Variants in SUDS3 observed in about 807,000 individuals in gnomAD.
The protein encoded by SUDS3 is sin3 histone deacetylase corepressor complex component SDS3.
SUDS3 carries 23 observed loss-of-function variants against 53.5 expected under a neutral mutation model. The observed-to-expected ratio is 0.43, with a 90% CI of 0.31 to 0.61. The LOEUF is 0.61. Ranked by LOEUF, SUDS3 falls within the 20% of genes least tolerant of loss-of-function variation. SUDS3 has a pLI of 0.10. For missense variants in SUDS3, 291 were observed against 405.9 expected, an observed-to-expected ratio of 0.72 and a Z score of 2.43; for synonymous variants, 150 against 148.5, an observed-to-expected ratio of 1.01 and a Z score of -0.08.
Position 118,410,582 on chromosome 12 carries a change from T to TA in SUDS3, c.804-491_804-490insA, listed in dbSNP as rs1259931660. Among the ~76,000 whole-genome samples the TA allele has an allele frequency of 4.8e-5, 7 of 144,744 alleles. No homozygotes were observed. The East Asian group carries it at 1.2e-3, about 25-fold the overall frequency. 95.0% of individuals were successfully genotyped at this position (144,744 alleles called of 152,430 possible). A position where few individuals can be genotyped will look rare whatever the true frequency, so the allele number is the denominator to read the frequency against. ...TTATTTATTTATTTATTTATTTATT[T>TA]TATTTATTTATTTATTTATTTATTT... On this transcript the variant is annotated intron_variant, in intron 10 of 11. Transcript: ENST00000543473.
At chr12:118,405,120 T>C (rs932904778) in intron 10 of SUDS3, among the ~76,000 whole-genome samples, 2 of 152,222 alleles carry the variant, frequency 1.3e-5, no homozygotes, top group South Asian at 2.1e-4. Flanking sequence ...TGGCAGGCTC[T>C]AACAGCTTAA....
chr12:118,409,813 C>T (rs999022178), intron 10 of SUDS3, among the ~76,000 whole-genome samples: 1 of 152,254 alleles, frequency 6.6e-6, no homozygotes, highest in African/African-American at 2.4e-5. Flanking sequence ...CTCTTGTAAT[C>T]CAGCAGGGGC....
At position 118,391,415 on chromosome 12, in the gene SUDS3, G is replaced by A. The variant is rs138670193; in HGVS notation, c.517+133G>A. 2.0e-4 allele frequency: 201 copies of A among 1,013,074 alleles called. 3 individuals carry two copies. The African/African-American group carries it at 2.7e-3, about 14-fold the overall frequency. 62.8% of individuals were successfully genotyped at this position (1,013,074 alleles called of 1,614,324 possible). On this transcript the variant is annotated intron_variant, in intron 6 of 11. Coordinates refer to ENST00000543473, the MANE Select transcript of SUDS3 (RefSeq NM_022491.3). ...GTGGGTTTTGACCTCATAGATCAGA[G>A]TTCCTCCTCCACCTTCTATTGGCTG...
rs1265563950 is a variant in SUDS3 at position 118,415,079 on chromosome 12, G to A, written c.*646G>A. On this transcript the variant is annotated 3_prime_UTR_variant, in exon 12 of 12. Transcript: ENST00000543473. ...TGTGCACTGAAGTAAATGGGGTTGG[G>A]GGAGGGGACATTTCATATTTATAAT... The A allele has an allele frequency of 6.6e-6, 1 of 152,252 alleles. No individual in the cohort carries two copies. Among genetic ancestry groups the A allele is most frequent in the Non-Finnish European group, 1.5e-5 (1 of 68,078 alleles). 9.4% of individuals were successfully genotyped at this position (152,252 alleles called of 1,614,324 possible). A position where few individuals can be genotyped will look rare whatever the true frequency, so the allele number is the denominator to read the frequency against.
intron 6 of SUDS3, among the ~76,000 whole-genome samples, chr12:118,400,316 A>G (rs2046252823): frequency 6.6e-6 from 1 of 152,066 alleles, no homozygotes; most frequent in South Asian, 2.1e-4. Flanking sequence ...GTTCCTTCCT[A>G]TCCCGAGAGC....
At chr12:118,399,371 C>T (rs939634481) in intron 6 of SUDS3, among the ~76,000 whole-genome samples, 8 of 152,022 alleles carry the variant, frequency 5.3e-5, no homozygotes, top group Admixed American at 2.6e-4. Flanking sequence ...GGTGTGGTGG[C>T]GCATGCTGTA....
At chr12:118,388,738 G>A (rs190448677) in intron 4 of SUDS3, among the ~76,000 whole-genome samples, 2 of 152,304 alleles carry the variant, frequency 1.3e-5, no homozygotes, top group East Asian at 1.9e-4. Context: ...GACAGACAGC[G>A]TGAGCAGAGC....
chr12:118,416,546 C>G lies in SUDS3; in HGVS notation c.*2113C>G, dbSNP rs2046402249. On this transcript the variant is annotated 3_prime_UTR_variant, in exon 12 of 12. Transcript: ENST00000543473. ...CCTTCTCCTCGGCGTCCTCACAACT[C>G]TTAATTGGGCCTAGTGAAAATGGGG... 6.6e-6 allele frequency: 1 copy of G among 152,158 alleles called. No individual in the cohort carries two copies. Among genetic ancestry groups the G allele is most frequent in the Non-Finnish European group, 1.5e-5 (1 of 68,040 alleles). The allele number at this position is 152,158 out of a possible 1,614,324, so 9.4% of individuals were successfully genotyped here. A position where few individuals can be genotyped will look rare whatever the true frequency, so the allele number is the denominator to read the frequency against.
intron 2 of SUDS3, among the ~76,000 whole-genome samples, chr12:118,382,946 G>A (rs2046081013): frequency 1.3e-5 from 2 of 152,126 alleles, no homozygotes; most frequent in African/African-American, 4.8e-5. Context: ...GGGATTACAG[G>A]CGTGAGCCAC....
chr12:118,382,638 A>T (rs1319522511), intron 2 of SUDS3, among the ~76,000 whole-genome samples: 1 of 147,636 alleles, frequency 6.8e-6, no homozygotes, highest in African/African-American at 2.5e-5. Context: ...GAGTGCTAGG[A>T]TTACAAGAAT....
intron 10 of SUDS3, among the ~76,000 whole-genome samples, chr12:118,409,574 A>G (rs1045885798): frequency 6.6e-6 from 1 of 152,248 alleles, no homozygotes; most frequent in Non-Finnish European, 1.5e-5. Context: ...ATGGGAGTGA[A>G]GTGCATCCTT....
intron 10 of SUDS3, among the ~76,000 whole-genome samples, chr12:118,408,279 C>T (rs144585054): frequency 0.022 from 3,360 of 152,032 alleles, 123 homozygotes; most frequent in African/African-American, 0.076. Context: ...GGCAATCCAC[C>T]CACCTTGGCC....
chr12:118,403,587 TGTA>T, intron 10 of SUDS3, 70 bp downstream of exon 10: 1 of 1,275,600 alleles, frequency 7.8e-7, no homozygotes, highest in Non-Finnish European at 1.1e-6. Flanking sequence ...CTGGGGCTAT[TGTA>T]GTTATTTCAG....
chr12:118,386,052 A>T, intron 3 of SUDS3, 62 bp from the exon 4 acceptor site: 1 of 1,326,734 alleles, frequency 7.5e-7, no homozygotes. Flanking sequence ...TAATTTTAGG[A>T]AGCAAAATGT....
At chr12:118,403,368 G>A in intron 9 of SUDS3, 44 bp from the exon 10 acceptor site, 1 of 1,448,008 alleles carries the variant, frequency 6.9e-7, no homozygotes, top group South Asian at 1.2e-5. Context: ...AGACTCGCAT[G>A]TGTTTGTTAC....
chr12:118,376,669 G>A lies in SUDS3; in HGVS notation c.-23G>A, dbSNP rs757116249. ...GGTGGCCGCGGTGTCCGTGGGCCACGCTCAGCTGCGGTCAGAGGCGACATG... is the reference window on the plus strand; with the variant it reads ...GGTGGCCGCGGTGTCCGTGGGCCACACTCAGCTGCGGTCAGAGGCGACATG... On this transcript the variant is annotated 5_prime_UTR_variant, in exon 1 of 12. Coordinates refer to ENST00000543473, the MANE Select transcript of SUDS3 (RefSeq NM_022491.3). 1.4e-6 allele frequency: 2 copies of A among 1,460,890 alleles called. No individual in the cohort carries two copies. Among genetic ancestry groups the A allele is most frequent in the Non-Finnish European group, 1.8e-6 (2 of 1,114,976 alleles). The allele number at this position is 1,460,890 out of a possible 1,614,324, so 90.5% of individuals were successfully genotyped here. A position where few individuals can be genotyped will look rare whatever the true frequency, so the allele number is the denominator to read the frequency against.
chr12:118,393,565 A>G (rs1397818086), intron 6 of SUDS3, among the ~76,000 whole-genome samples: 2 of 152,146 alleles, frequency 1.3e-5, no homozygotes, highest in Non-Finnish European at 2.9e-5. Flanking sequence ...GTGCATCCCA[A>G]CTTCAATGTG....
In SUDS3 at chr12:118,407,720, G is replaced by T. The variant is rs533581907; in HGVS notation, c.804-3353G>T. Reference sequence around the variant, plus strand: ...GTAACATGTATATGTGTTATTTTTGGTTTTTTTTTTTTTTTTGAGACAGAG... The same window carrying T: ...GTAACATGTATATGTGTTATTTTTGTTTTTTTTTTTTTTTTTGAGACAGAG... On this transcript the variant is annotated intron_variant, in intron 10 of 11. Transcript: ENST00000543473. Among the ~76,000 whole-genome samples the T allele has an allele frequency of 1.1e-3, 144 of 137,112 alleles. 1 individual carries two copies. The South Asian group carries it at 0.011, about 11-fold the overall frequency. The allele number at this position is 137,112 out of a possible 152,430, so 90.0% of individuals were successfully genotyped here.
At chr12:118,384,948 T>A (rs184495821) in intron 3 of SUDS3, among the ~76,000 whole-genome samples, 2 of 152,324 alleles carry the variant, frequency 1.3e-5, no homozygotes, top group African/African-American at 4.8e-5. Flanking sequence ...ATCTGTTTTC[T>A]GATCTGCAAA....
Sources: gnomAD v4.1 joint callset for allele counts (sites outside exome capture counted in the v4.1 genomes callset) on GRCh38, gnomAD v4.1.1 for gene constraint, MANE v1.5 for transcripts, NCBI Gene and HGNC (gene_info 2026-07-23, HGNC 2026-07-21) for gene names.